The following ABCC12 variants were observed in gnomAD, a reference collection of about 807,000 sequenced individuals.
ABCC12 encodes ATP binding cassette subfamily C member 12, also known as ATP-binding cassette sub-family C member 12.
ABCC12 carries 142 observed loss-of-function variants against 151.1 expected under a neutral mutation model. The ratio of observed to expected loss-of-function variants is 0.94; its 90% confidence interval spans 0.82 to 1.08. The LOEUF is 1.08. Ranked by LOEUF, ABCC12 falls within the 50% of genes least tolerant of loss-of-function variation. ABCC12 has a pLI of 0.00. For synonymous variants in ABCC12, 645 were observed against 646.4 expected (o/e 1.00, Z 0.03); for missense variants, 1,638 against 1,691.1 (o/e 0.97, Z 0.55).
rs12598125 is a variant in ABCC12 at position 48,152,711 on chromosome 16, T to C, written c.-51+905A>G. On this transcript the variant is annotated intron_variant, in intron 2 of 30. Transcript: ENST00000311303. ...TTGGTGACAGACCCCAGTCACTTCT[T>C]CTCAAGACGGCCCGCATGCAGTATT... is the stretch of plus-strand genomic sequence containing the variant. Among the ~76,000 whole-genome samples the C allele has an allele frequency of 9.1e-4, 139 of 152,308 alleles. 2 individuals are homozygous for C. In the East Asian group the frequency reaches 0.026, roughly 29 times the overall value.
intron 23 of ABCC12, among the ~76,000 whole-genome samples, chr16:48,097,423 T>C (rs1963140236): frequency 6.6e-6 from 1 of 152,182 alleles, no homozygotes; most frequent in Non-Finnish European, 1.5e-5. Flanking sequence ...TTTCCCTCCC[T>C]GAATCAGAGA....
intron 3 of ABCC12, among the ~76,000 whole-genome samples, chr16:48,145,145 C>G (rs974978136): frequency 6.6e-6 from 1 of 152,102 alleles, no homozygotes; most frequent in Non-Finnish European, 1.5e-5. Context: ...TAATAGCCCA[C>G]GTCCTCACCT....
At chr16:48,124,379 C>T in intron 11 of ABCC12, 95 bp from the exon 12 acceptor site, 1 of 1,271,512 alleles carries the variant, frequency 7.9e-7, no homozygotes, top group Non-Finnish European at 1.1e-6. Flanking sequence ...CTGGTCAGGC[C>T]AGGCGGAGAA....
intron 2 of ABCC12, among the ~76,000 whole-genome samples, chr16:48,150,091 C>T (rs2150685925): frequency 1.3e-5 from 2 of 152,264 alleles, no homozygotes; most frequent in Middle Eastern, 3.4e-3. Flanking sequence ...TATATATATG[C>T]CCTGGAGAAA....
intron 2 of ABCC12, among the ~76,000 whole-genome samples, chr16:48,148,712 A>C (rs1469049251): frequency 6.6e-6 from 1 of 151,542 alleles, no homozygotes; most frequent in Non-Finnish European, 1.5e-5. Context: ...GGAATATCTT[A>C]CTACTCCCTG....
At chr16:48,097,719 T>G (rs1487135099) in intron 23 of ABCC12, among the ~76,000 whole-genome samples, 3 of 152,112 alleles carry the variant, frequency 2.0e-5, no homozygotes, top group Non-Finnish European at 2.9e-5. Context: ...AGTCTTGATG[T>G]GACGGTCCCT....
intron 15 of ABCC12, among the ~76,000 whole-genome samples, chr16:48,113,853 T>C (rs1240807271): frequency 1.3e-5 from 2 of 152,132 alleles, no homozygotes; most frequent in Non-Finnish European, 2.9e-5. Flanking sequence ...TCATGAGGAC[T>C]CCTGGAGGGA....
At chr16:48,107,527 A>C (rs1963537699) in intron 19 of ABCC12, 102 bp from the exon 20 acceptor site, 8 of 1,017,148 alleles carry the variant, frequency 7.9e-6, no homozygotes, top group African/African-American at 1.6e-5. Flanking sequence ...CAAAACCTGC[A>C]GGAAAAGGAC....
intron 12 of ABCC12, among the ~76,000 whole-genome samples, chr16:48,123,473 C>T (rs1050277128): frequency 1.3e-5 from 2 of 152,114 alleles, no homozygotes; most frequent in African/African-American, 4.8e-5. Flanking sequence ...TAAGACACAT[C>T]CCCCCACCAC....
At chr16:48,117,129 G>T in intron 14 of ABCC12, 132 bp downstream of exon 14, 1 of 778,870 alleles carries the variant, frequency 1.3e-6, no homozygotes, top group Admixed American at 2.7e-5. Flanking sequence ...AGAATGGGTG[G>T]AACCTGAGCT....
Position 48,105,292 on chromosome 16 carries a change from GC to G in ABCC12, c.2519del (p.Gly840AlafsTer39). 3.7e-6 allele frequency: 6 copies of G among 1,613,410 alleles called. No homozygotes were observed. The highest frequency in any genetic ancestry group is 5.1e-6 in the Non-Finnish European group (6 of 1,179,902). ...GCTGACCGATGTCTGCCAGCACCGC[GC>G]CGACCTCACACATGGTCCTGTTGCC... ...PQGNRTMCEV[G>X]AVLADIGQHV... is the part of the protein sequence containing the mutation. On this transcript the variant is annotated frameshift_variant, in exon 21 of 31. Transcript: ENST00000311303. LOFTEE classifies it high-confidence loss of function.
intron 7 of ABCC12, 135 bp downstream of exon 7, chr16:48,139,028 C>A (rs747400677): frequency 5.6e-6 from 6 of 1,076,660 alleles, no homozygotes; most frequent in African/African-American, 1.6e-5. Flanking sequence ...CTACTCTGTG[C>A]CAAAGGAAGT....
In ABCC12 at chr16:48,082,260, G is replaced by C. The variant is rs2150574183; in HGVS notation, c.*1455C>G. Among the ~76,000 whole-genome samples, 1 of 152,318 alleles carries C rather than the reference G, an allele frequency of 6.6e-6. No individual in the cohort carries two copies. The highest frequency in any genetic ancestry group is 1.5e-5 in the Non-Finnish European group (1 of 68,030). ...GCTGCTGGGCCAGGGCTTTCATGCA[G>C]TTGCCAGGTTATAAGCTCTACCTAA... On this transcript the variant is annotated 3_prime_UTR_variant, in exon 31 of 31. Transcript: ENST00000311303.
chr16:48,135,042 T>G (rs1357480255), intron 8 of ABCC12, among the ~76,000 whole-genome samples: 1 of 144,308 alleles, frequency 6.9e-6, no homozygotes, highest in Non-Finnish European at 1.5e-5. Flanking sequence ...AGAGCGAGAC[T>G]CTGTCTCAAA....
At chr16:48,115,185 C>A (rs1298735168) in intron 15 of ABCC12, among the ~76,000 whole-genome samples, 1 of 152,180 alleles carries the variant, frequency 6.6e-6, no homozygotes, top group Non-Finnish European at 1.5e-5. Flanking sequence ...AATCTACCCT[C>A]TGGTGCAGGA....
At chr16:48,100,814 C>G (rs1963277152) in intron 23 of ABCC12, 58 bp downstream of exon 23, 3 of 1,584,296 alleles carry the variant, frequency 1.9e-6, no homozygotes, top group Non-Finnish European at 2.6e-6. Flanking sequence ...TGTGCACTCC[C>G]CATCGGAGTC....
At position 48,081,320 on chromosome 16, in the gene ABCC12, G is replaced by A. The variant is rs945215340; in HGVS notation, c.*2395C>T. Among the ~76,000 whole-genome samples, 5 of 152,166 alleles carry A rather than the reference G, an allele frequency of 3.3e-5. No homozygotes were observed. The highest frequency in any genetic ancestry group is 1.2e-4 in the African/African-American group (5 of 41,432). On this transcript the variant is annotated 3_prime_UTR_variant, in exon 31 of 31. Coordinates refer to ENST00000311303, the MANE Select transcript of ABCC12 (RefSeq NM_001393797.1). ...TGGCTGACATGGCAGTGATAGCAAGGGGTTGGGGTGGGAGAGGGGTTTGCT... is the reference window on the plus strand; with the variant it reads ...TGGCTGACATGGCAGTGATAGCAAGAGGTTGGGGTGGGAGAGGGGTTTGCT...
intron 24 of ABCC12, among the ~76,000 whole-genome samples, chr16:48,094,453 G>A (rs762468713): frequency 4.6e-5 from 7 of 152,204 alleles, no homozygotes; most frequent in Non-Finnish European, 5.9e-5. Context: ...GCATGCTAGA[G>A]TTTAAAGAGC....
In ABCC12 at chr16:48,104,950, C is replaced by T. The variant is rs1963436734; in HGVS notation, c.2673+189G>A. On this transcript the variant is annotated intron_variant, in intron 21 of 30. Coordinates refer to ENST00000311303, the MANE Select transcript of ABCC12 (RefSeq NM_001393797.1). ...GCCCAGACTCAGGGCTGATCCACCC[C>T]CACAGCTCCCTGGAATCTACCTTCA... is the stretch of plus-strand genomic sequence containing the variant. Among the ~76,000 whole-genome samples, 4 of 152,202 alleles carry T rather than the reference C, an allele frequency of 2.6e-5. No individual in the cohort carries two copies. The South Asian group carries it at 8.3e-4, about 31-fold the overall frequency.
Sources: gnomAD v4.1 joint callset for allele counts (sites outside exome capture counted in the v4.1 genomes callset) on GRCh38, gnomAD v4.1.1 for gene constraint, MANE v1.5 for transcripts, NCBI Gene and HGNC (gene_info 2026-07-23, HGNC 2026-07-21) for gene names.